The following XPNPEP1 variants were observed in gnomAD, a reference collection of about 807,000 sequenced individuals.
The protein encoded by XPNPEP1 is xaa-Pro aminopeptidase 1.
XPNPEP1 carries 39 observed loss-of-function variants against 92.4 expected under a neutral mutation model. The ratio of observed to expected loss-of-function variants is 0.42; its 90% confidence interval spans 0.33 to 0.55. The LOEUF (loss-of-function observed/expected upper bound fraction) is 0.55, where lower values mean the gene tolerates loss of function less well. Among genes scored for constraint, XPNPEP1 ranks in the 20% least tolerant of loss-of-function variants. XPNPEP1 has a pLI of 0.08. For synonymous variants in XPNPEP1, 307 were observed against 299.4 expected, an observed-to-expected ratio of 1.03 and a Z score of -0.26; for missense variants, 654 against 856.1, an observed-to-expected ratio of 0.76 and a Z score of 2.95.
intron 3 of XPNPEP1, among the ~76,000 whole-genome samples, chr10:109,894,608 T>C (rs996574623): frequency 6.8e-6 from 1 of 147,390 alleles, no homozygotes; most frequent in Non-Finnish European, 1.5e-5. Flanking sequence ...AATCACAGCC[T>C]CAAACCAGCC....
chr10:109,886,126 CG>C, intron 8 of XPNPEP1, 119 bp downstream of exon 8: 1 of 952,710 alleles, frequency 1.0e-6, no homozygotes, highest in Non-Finnish European at 1.6e-6. Flanking sequence ...CATTTGGTGA[CG>C]TAGTCTTCTT....
intron 20 of XPNPEP1, among the ~76,000 whole-genome samples, chr10:109,866,165 T>C (rs1847131570): frequency 6.6e-6 from 1 of 151,992 alleles, no homozygotes; most frequent in South Asian, 2.1e-4. Flanking sequence ...CATAAATGAG[T>C]CAAAGGCCAT....
At chr10:109,915,122 A>C (rs1850114477) in intron 1 of XPNPEP1, 23 bp from the exon 2 acceptor site, 5 of 1,454,508 alleles carry the variant, frequency 3.4e-6, no homozygotes, top group African/African-American at 1.4e-5. Flanking sequence ...AAGAACAGGA[A>C]GTTGCAGACT....
chr10:109,888,112 T>C lies in XPNPEP1; in HGVS notation c.589A>G (p.Ile197Val). 6.2e-7 allele frequency: 1 copy of C among 1,614,094 alleles called. No homozygotes were observed. Among genetic ancestry groups the C allele is most frequent in the African/African-American group, 1.3e-5 (1 of 75,050 alleles). Residue 197 changes from isoleucine to valine, a missense_variant, in exon 7 of 21, where the codon ATC becomes GTC. Physicochemically the swap from Ile to Val is conservative, Grantham distance 29. Coordinates refer to ENST00000502935, the MANE Select transcript of XPNPEP1 (RefSeq NM_020383.4). ...GGGCGCTCAGGACGGTCTGTCCAGA[T>C]TTTGTCAACGAGGTTCTCCTTGACA... Reference protein sequence around the residue: ...IPVKENLVDKIWTDRPERPCK... With the variant: ...IPVKENLVDKVWTDRPERPCK...
At chr10:109,894,689 C>A (rs1564774249) in intron 3 of XPNPEP1, among the ~76,000 whole-genome samples, 1 of 152,214 alleles carries the variant, frequency 6.6e-6, no homozygotes, top group Non-Finnish European at 1.5e-5. Flanking sequence ...GGGCCACCTG[C>A]CCACTAGCCC....
chr10:109,904,805 T>G (rs890483466), intron 3 of XPNPEP1, among the ~76,000 whole-genome samples: 1 of 152,188 alleles, frequency 6.6e-6, no homozygotes, highest in Non-Finnish European at 1.5e-5. Context: ...CTGTGTACCA[T>G]TGGTGGGAAT....
intron 8 of XPNPEP1, among the ~76,000 whole-genome samples, chr10:109,885,344 T>TGA (rs1475806147): frequency 1.3e-5 from 2 of 152,228 alleles, no homozygotes; most frequent in Non-Finnish European, 2.9e-5. Context: ...CATAGAATAT[T>TGA]GACACTGATT....
chr10:109,895,088 C>A (rs755976484), intron 3 of XPNPEP1, among the ~76,000 whole-genome samples: 6 of 152,158 alleles, frequency 3.9e-5, no homozygotes, highest in Non-Finnish European at 8.8e-5. Flanking sequence ...TCTCTTCTTC[C>A]TAAACAGTGA....
At chr10:109,873,971 G>A (rs1336230699) in intron 15 of XPNPEP1, among the ~76,000 whole-genome samples, 1 of 152,174 alleles carries the variant, frequency 6.6e-6, no homozygotes, top group East Asian at 1.9e-4. Context: ...TGGTTCTCCA[G>A]GGTAGTGGAA....
At chr10:109,897,945 C>CA (rs2133475380) in intron 3 of XPNPEP1, among the ~76,000 whole-genome samples, 1 of 152,268 alleles carries the variant, frequency 6.6e-6, no homozygotes, top group Non-Finnish European at 1.5e-5. Flanking sequence ...TGAGCCACTG[C>CA]ACCCAGCCTC....
At chr10:109,907,857 C>A in intron 2 of XPNPEP1, 42 bp from the exon 3 acceptor site, 1 of 1,610,890 alleles carries the variant, frequency 6.2e-7, no homozygotes, top group South Asian at 1.1e-5. Context: ...AGCCTGCCCC[C>A]AGCAATTCAA....
At position 109,867,777 on chromosome 10, in the gene XPNPEP1, CA is replaced by C. The variant is rs1430976433; in HGVS notation, c.1872+836del. Among the ~76,000 whole-genome samples the C allele has an allele frequency of 6.6e-6, 1 of 152,240 alleles. No homozygotes were observed. The highest frequency in any genetic ancestry group is 1.5e-5 in the Non-Finnish European group (1 of 68,050). On this transcript the variant is annotated intron_variant, in intron 20 of 20. Coordinates refer to ENST00000502935, the MANE Select transcript of XPNPEP1 (RefSeq NM_020383.4). The surrounding 1 kb of genome is among the most constrained non-coding windows in gnomAD (Gnocchi z 4.5). ...TGCTTACCCTGCCTTCGGCTCCCAC[CA>C]GTCATTTGCTTTTCATTGGAACTTC...
At chr10:109,923,256 G>T in intron 1 of XPNPEP1, 146 bp downstream of exon 1, 1 of 1,184,954 alleles carries the variant, frequency 8.4e-7, no homozygotes, top group Non-Finnish European at 1.0e-6. Flanking sequence ...TCCTGTTCCG[G>T]GGCTCCGGCG....
At chr10:109,868,490 AAT>A in intron 20 of XPNPEP1, 122 bp downstream of exon 20, 1 of 931,194 alleles carries the variant, frequency 1.1e-6, no homozygotes, top group South Asian at 1.7e-5. Context: ...TAGACCTCTA[AAT>A]TTAAAAATTA....
At position 109,915,069 on chromosome 10, in the gene XPNPEP1, A is replaced by G; in HGVS notation, c.63T>C (p.Asn21=). The change falls in exon 2 of 21, where the codon AAT becomes AAC. Residue 21 remains asparagine (N), a synonymous_variant. Transcript: ENST00000502935. ...RVNHQDFQLR[N]LRIIEPNEVT... Reference sequence around the variant, plus strand: ...CCTCGTTAGGTTCAATTATTCTTAAATTTCTCAGTTGAAAATCCTGGTGAT... The same window carrying G: ...CCTCGTTAGGTTCAATTATTCTTAAGTTTCTCAGTTGAAAATCCTGGTGAT... 1.3e-6 allele frequency: 2 copies of G among 1,529,120 alleles called. No homozygotes were observed. Among genetic ancestry groups the G allele is most frequent in the South Asian group, 2.4e-5 (2 of 82,196 alleles). The allele number at this position is 1,529,120 out of a possible 1,614,324, so 94.7% of individuals were successfully genotyped here.
At chr10:109,923,188 A>G (rs2133600187) in intron 1 of XPNPEP1, 1 of 985,242 alleles carries the variant, frequency 1.0e-6, no homozygotes, top group East Asian at 1.1e-4. Flanking sequence ...CCCCGTGCCC[A>G]CCGACCCTCC....
intron 3 of XPNPEP1, among the ~76,000 whole-genome samples, chr10:109,898,378 C>T (rs1382458606): frequency 1.3e-5 from 2 of 152,192 alleles, no homozygotes; most frequent in Non-Finnish European, 2.9e-5. Context: ...AGTGGACAAT[C>T]GGCAATAGTA....
intron 20 of XPNPEP1, 118 bp from the exon 21 acceptor site, chr10:109,865,430 C>T: frequency 3.0e-6 from 4 of 1,314,416 alleles, no homozygotes; most frequent in South Asian, 2.6e-5. Context: ...AAAAGGTGTG[C>T]AACACCCTTT....
intron 2 of XPNPEP1, among the ~76,000 whole-genome samples, chr10:109,908,199 G>T (rs370912760): frequency 1.3e-5 from 2 of 152,252 alleles, no homozygotes; most frequent in East Asian, 3.9e-4. Flanking sequence ...ACTATAATAC[G>T]TACAACAGTA....
Sources: gnomAD v4.1 joint callset for allele counts (sites outside exome capture counted in the v4.1 genomes callset) on GRCh38, gnomAD v4.1.1 for gene constraint, Gnocchi (gnomAD v3.1) non-coding constraint, MANE v1.5 for transcripts, NCBI Gene and HGNC (gene_info 2026-07-23, HGNC 2026-07-21) for gene names.